The following CLASP1 variants were observed in gnomAD, a reference collection of about 807,000 sequenced individuals.
CLASP1 encodes the protein cytoplasmic linker associated protein 1.
CLASP1 carries 38 observed loss-of-function variants against 192.3 expected under a neutral mutation model. The observed-to-expected ratio is 0.20, with a 90% CI of 0.15 to 0.26. The LOEUF (loss-of-function observed/expected upper bound fraction) is 0.26, where lower values mean the gene tolerates loss of function less well. Among genes scored for constraint, CLASP1 ranks in the 10% least tolerant of loss-of-function variants. The probability of loss-of-function intolerance (pLI) is 1.00; values close to 1 mark genes in which losing one functional copy is unlikely to be tolerated. For missense variants in CLASP1, 1,433 were observed against 1,932.5 expected (o/e 0.74, Z 4.85); for synonymous variants, 691 against 712.8 (o/e 0.97, Z 0.49).
At chr2:121,588,875 A>G (rs1396205298) in intron 2 of CLASP1, among the ~76,000 whole-genome samples, 1 of 152,140 alleles carries the variant, frequency 6.6e-6, no homozygotes, top group Non-Finnish European at 1.5e-5. Flanking sequence ...GTCCCTTTAC[A>G]TGAGTGGGAG....
At chr2:121,639,780 T>C (rs2071658995) in intron 1 of CLASP1, among the ~76,000 whole-genome samples, 1 of 150,232 alleles carries the variant, frequency 6.7e-6, no homozygotes, top group Non-Finnish European at 1.5e-5. Context: ...GAAGAGTCAC[T>C]TGAACGCAGG....
At chr2:121,432,989 A>T (rs765843629) in intron 19 of CLASP1, among the ~76,000 whole-genome samples, 1 of 152,190 alleles carries the variant, frequency 6.6e-6, no homozygotes, top group Non-Finnish European at 1.5e-5. Flanking sequence ...TTTTAAAAAG[A>T]ATTTCTGAAA....
At chr2:121,591,575 T>C (rs189530721) in intron 2 of CLASP1, among the ~76,000 whole-genome samples, 3 of 152,336 alleles carry the variant, frequency 2.0e-5, no homozygotes, top group African/African-American at 7.2e-5. Flanking sequence ...GGGAAGTCTC[T>C]CTTGATTGCC....
intron 2 of CLASP1, among the ~76,000 whole-genome samples, chr2:121,554,616 A>C (rs1437914966): frequency 6.6e-6 from 1 of 150,948 alleles, no homozygotes; most frequent in Non-Finnish European, 1.5e-5. Context: ...ACCTTGTCTT[A>C]AAAAAAAAGG....
intron 30 of CLASP1, among the ~76,000 whole-genome samples, chr2:121,396,099 C>T (rs894401968): frequency 3.3e-5 from 5 of 152,158 alleles, no homozygotes; most frequent in African/African-American, 1.2e-4. Context: ...GGGAATAGAG[C>T]TCAGAAATCT....
chr2:121,632,636 C>T (rs899475023), intron 1 of CLASP1, among the ~76,000 whole-genome samples: 2 of 152,098 alleles, frequency 1.3e-5, no homozygotes, highest in African/African-American at 4.8e-5. Context: ...GTGGCTCATG[C>T]CTGTAAACCC....
chr2:121,360,067 C>T (rs2066080489), intron 37 of CLASP1, among the ~76,000 whole-genome samples: 1 of 152,188 alleles, frequency 6.6e-6, no homozygotes, highest in Non-Finnish European at 1.5e-5. Flanking sequence ...TTTCAAGAAG[C>T]TGTCCTTCCT....
At chr2:121,435,357 C>G (rs938802323) in intron 19 of CLASP1, among the ~76,000 whole-genome samples, 2 of 152,170 alleles carry the variant, frequency 1.3e-5, no homozygotes, top group Non-Finnish European at 2.9e-5. Context: ...TCACTGCAAC[C>G]TCTGTGTCCC....
In CLASP1 at chr2:121,348,819, A is replaced by G. The variant is rs1263504798; in HGVS notation, c.4207-101T>C. The G allele has an allele frequency of 2.8e-6, 3 of 1,064,282 alleles. No homozygotes were observed. In the East Asian group the frequency reaches 7.8e-5, roughly 28 times the overall value. The allele number at this position is 1,064,282 out of a possible 1,614,324, so 65.9% of individuals were successfully genotyped here. On this transcript the variant is annotated intron_variant, in intron 37 of 39. Transcript: ENST00000263710. ...TCAGAGGCCAAAGGACAATGACCTCAATGTCAGACGGCAGCCATTGCTTCG... is the reference window on the plus strand; with the variant it reads ...TCAGAGGCCAAAGGACAATGACCTCGATGTCAGACGGCAGCCATTGCTTCG...
At chr2:121,366,835 G>GA (rs2067501679) in intron 35 of CLASP1, among the ~76,000 whole-genome samples, 1 of 151,996 alleles carries the variant, frequency 6.6e-6, no homozygotes, top group Admixed American at 6.6e-5. Flanking sequence ...TTCAGTTCCC[G>GA]AAAAAAACAC....
rs554587572 is a variant in CLASP1, at chr2:121,441,083, T to A, written c.1912+6254A>T. Among the ~76,000 whole-genome samples the A allele has an allele frequency of 4.6e-5, 7 of 152,314 alleles. No individual in the cohort carries two copies. The East Asian group carries it at 1.4e-3, about 29-fold the overall frequency. ...AGAAAAGACTCCAAACCAGGAGAAA[T>A]TCACCCTGCGTACCAAGTGTAGTTT... On this transcript the variant is annotated intron_variant, in intron 19 of 39. Transcript: ENST00000263710.
At chr2:121,478,188 A>G (rs2091870661) in intron 8 of CLASP1, among the ~76,000 whole-genome samples, 1 of 152,190 alleles carries the variant, frequency 6.6e-6, no homozygotes. Context: ...TATACATCAT[A>G]GTTGTCATAT....
intron 2 of CLASP1, among the ~76,000 whole-genome samples, chr2:121,558,637 A>G (rs1315187296): frequency 4.6e-5 from 7 of 152,222 alleles, no homozygotes; most frequent in African/African-American, 1.7e-4. Context: ...CCCACCAGCT[A>G]GAAGGCTCTC....
intron 34 of CLASP1, 128 bp downstream of exon 35, chr2:121,377,371 A>C (rs2070504458): frequency 2.8e-6 from 2 of 702,926 alleles, no homozygotes; most frequent in African/African-American, 3.6e-5. Flanking sequence ...AACTAAAAGG[A>C]AAACATTATT....
intron 37 of CLASP1, 49 bp downstream of exon 38, chr2:121,363,123 C>T: frequency 2.5e-6 from 4 of 1,605,832 alleles, no homozygotes; most frequent in Non-Finnish European, 3.4e-6. Flanking sequence ...GTCCAAACTG[C>T]TCCTCATGAC....
intron 19 of CLASP1, 80 bp downstream of exon 19, chr2:121,447,257 G>C: frequency 7.8e-7 from 1 of 1,283,776 alleles, no homozygotes; most frequent in Non-Finnish European, 1.1e-6. Context: ...CTCAATCATG[G>C]GTTTGTATTT....
At chr2:121,384,551 T>C (rs1049587929) in intron 32 of CLASP1, among the ~76,000 whole-genome samples, 2 of 152,116 alleles carry the variant, frequency 1.3e-5, no homozygotes, top group African/African-American at 4.8e-5. Context: ...ACTATCATCA[T>C]GATCCAAGTA....
chr2:121,364,763 A>G, intron 36 of CLASP1: 1 of 267,710 alleles, frequency 3.7e-6, no homozygotes, highest in East Asian at 8.1e-5. Context: ...ACTCACAAGT[A>G]AAAAAGTACA....
rs531938983 is a variant in CLASP1 at position 121,589,717 on chromosome 2, T to C, written c.195+15984A>G. Among the ~76,000 whole-genome samples, 136 of 152,174 alleles carry C rather than the reference T, an allele frequency of 8.9e-4. 1 individual carries two copies. The highest frequency in any genetic ancestry group is 3.0e-3 in the African/African-American group (123 of 41,526). ...CCCAGTTAAGATGAGCTGATATTTA[T>C]TAGGTTATAGTAGGTGTGAAAGCAC... On this transcript the variant is annotated intron_variant, in intron 2 of 39. Transcript: ENST00000263710.
Sources: gnomAD v4.1 joint callset for allele counts (sites outside exome capture counted in the v4.1 genomes callset) on GRCh38, gnomAD v4.1.1 for gene constraint, MANE v1.5 for transcripts, NCBI Gene and HGNC (gene_info 2026-07-23, HGNC 2026-07-21) for gene names.